Variants in PTPN4 observed in about 807,000 individuals in gnomAD.
PTPN4 encodes the protein tyrosine-protein phosphatase non-receptor type 4.
PTPN4 carries 49 observed loss-of-function variants against 135.5 expected under a neutral mutation model. That is an observed-to-expected ratio of 0.36 (90% CI 0.29 to 0.46). The LOEUF (loss-of-function observed/expected upper bound fraction) is 0.46. PTPN4 is among the 20% of genes least tolerant of loss of function. PTPN4 has a pLI of 1.00. For missense variants in PTPN4, 860 were observed against 1,101.0 expected (o/e 0.78, Z 3.10); for synonymous variants, 333 against 369.9 (o/e 0.90, Z 1.14).
intron 1 of PTPN4, among the ~76,000 whole-genome samples, chr2:119,779,920 A>AT (rs1477331363): frequency 2.0e-5 from 3 of 151,814 alleles, no homozygotes; most frequent in Non-Finnish European, 4.4e-5. Context: ...AATTTTTTGT[A>AT]TTTTTTGTAG....
intron 2 of PTPN4, among the ~76,000 whole-genome samples, chr2:119,817,832 T>C (rs1677011666): frequency 6.6e-6 from 1 of 152,208 alleles, no homozygotes; most frequent in Non-Finnish European, 1.5e-5. Flanking sequence ...GTGTCCTCTA[T>C]GATGTCTTTG....
chr2:119,881,856 A>G, intron 6 of PTPN4, 26 bp downstream of exon 6: 1 of 1,470,732 alleles, frequency 6.8e-7, no homozygotes, highest in African/African-American at 1.4e-5. Context: ...TTCTTAAAAA[A>G]TTTTTTGTAA....
intron 1 of PTPN4, among the ~76,000 whole-genome samples, chr2:119,805,067 G>C (rs1691442997): frequency 1.3e-5 from 2 of 152,104 alleles, no homozygotes. Flanking sequence ...TGTGTCTGTT[G>C]GCTGCATAAA....
In PTPN4 at chr2:119,934,881, T is replaced by C; in HGVS notation, c.1278T>C (p.Thr426=). ...ATTTGGTAGACCATATGGTTCATAC[T>C]TCCCCAAGCGAAGTGTTTGTAAATC... The part of the protein sequence containing the change: ...VGHLVDHMVH[T]SPSEVFVNQR... Residue 426 remains threonine, a synonymous_variant, in exon 15 of 27, where the codon ACT becomes ACC. Coordinates refer to ENST00000263708, the MANE Select transcript of PTPN4 (RefSeq NM_002830.4). 1 of 1,613,782 alleles carries C rather than the reference T, an allele frequency of 6.2e-7. No homozygotes were observed. Among genetic ancestry groups the C allele is most frequent in the Non-Finnish European group, 8.5e-7 (1 of 1,179,674 alleles).
chr2:119,774,085 G>C (rs1228909048), intron 1 of PTPN4, among the ~76,000 whole-genome samples: 1 of 152,178 alleles, frequency 6.6e-6, no homozygotes, highest in African/African-American at 2.4e-5. Context: ...TGAGTAGTTT[G>C]TCTCTCCAGT....
intron 7 of PTPN4, 89 bp from the exon 8 acceptor site, chr2:119,882,414 C>A: frequency 7.9e-7 from 1 of 1,260,546 alleles, no homozygotes; most frequent in Non-Finnish European, 1.1e-6. Flanking sequence ...ATTTTACATC[C>A]AGAAATAGAA....
chr2:119,909,236 A>G (rs1678533274), intron 10 of PTPN4, among the ~76,000 whole-genome samples: 1 of 152,194 alleles, frequency 6.6e-6, no homozygotes, highest in South Asian at 2.1e-4. Context: ...GATGAAGTTA[A>G]TACCTGGCTT....
chr2:119,893,455 A>G (rs542600804), intron 9 of PTPN4, among the ~76,000 whole-genome samples: 3 of 152,356 alleles, frequency 2.0e-5, no homozygotes, highest in East Asian at 3.9e-4. Flanking sequence ...AATCCTCACG[A>G]AAGAGGGGTA....
At chr2:119,841,681 G>T (rs1474227068) in intron 2 of PTPN4, among the ~76,000 whole-genome samples, 2 of 152,084 alleles carry the variant, frequency 1.3e-5, no homozygotes, top group Non-Finnish European at 2.9e-5. Context: ...CACAATTTAT[G>T]TTCTCTCTAC....
At position 119,809,844 on chromosome 2, in the gene PTPN4, G is replaced by A. The variant is rs751774314; in HGVS notation, c.-10G>A. 19 of 1,566,696 alleles carry A rather than the reference G, an allele frequency of 1.2e-5. No homozygotes were observed. The highest frequency in any genetic ancestry group is 2.1e-5 in the Admixed American group (1 of 48,058). On this transcript the variant is annotated 5_prime_UTR_variant, in exon 2 of 27. In the 5' UTR this introduces an upstream ATG that the reference lacks. Coordinates refer to ENST00000263708, the MANE Select transcript of PTPN4 (RefSeq NM_002830.4). ...TTTTTTTTTTTAACTTAGACTTTGTGTGGACAGTAATGACCTCACGTTTCC... is the reference window on the plus strand; with the variant it reads ...TTTTTTTTTTTAACTTAGACTTTGTATGGACAGTAATGACCTCACGTTTCC...
intron 2 of PTPN4, among the ~76,000 whole-genome samples, chr2:119,850,870 T>C (rs932979018): frequency 1.2e-4 from 19 of 152,366 alleles, no homozygotes; most frequent in African/African-American, 4.3e-4. Context: ...CAGCCTTGCA[T>C]CTGTGGTAAA....
chr2:119,835,883 C>T (rs1677284625), intron 2 of PTPN4, among the ~76,000 whole-genome samples: 1 of 151,910 alleles, frequency 6.6e-6, no homozygotes, highest in South Asian at 2.1e-4. Context: ...TCCTGGCTAA[C>T]ACAGTGAAAC....
chr2:119,803,077 G>T (rs1691404106), intron 1 of PTPN4, among the ~76,000 whole-genome samples: 1 of 152,002 alleles, frequency 6.6e-6, no homozygotes, highest in Non-Finnish European at 1.5e-5. Context: ...TGTGTTTTCT[G>T]TTTCTTTGTT....
intron 1 of PTPN4, among the ~76,000 whole-genome samples, chr2:119,794,650 G>A (rs1691220264): frequency 6.6e-6 from 1 of 152,196 alleles, no homozygotes; most frequent in Non-Finnish European, 1.5e-5. Context: ...CTGGCTTGGA[G>A]AGTTTCTAGG....
At chr2:119,865,279 T>C (rs1677816223) in intron 3 of PTPN4, among the ~76,000 whole-genome samples, 1 of 152,144 alleles carries the variant, frequency 6.6e-6, no homozygotes. Flanking sequence ...AGGAAAAAGA[T>C]GCTATGCTTC....
chr2:119,872,781 A>G (rs1306936887), intron 3 of PTPN4, among the ~76,000 whole-genome samples: 1 of 152,210 alleles, frequency 6.6e-6, no homozygotes, highest in Admixed American at 6.5e-5. Context: ...CCTTATAGAA[A>G]ATAGGCTTCA....
At chr2:119,935,092 A>G in intron 15 of PTPN4, 134 bp downstream of exon 15, 1 of 1,032,630 alleles carries the variant, frequency 9.7e-7, no homozygotes, top group Non-Finnish European at 1.4e-6. Flanking sequence ...TATGTTTGCA[A>G]TTATGCTCAT....
At chr2:119,768,765 G>A (rs904106257) in intron 1 of PTPN4, among the ~76,000 whole-genome samples, 2 of 152,144 alleles carry the variant, frequency 1.3e-5, no homozygotes, top group African/African-American at 4.8e-5. Context: ...TTGCTGTCAG[G>A]TCCATGTAGG....
chr2:119,956,901 A>C lies in PTPN4; in HGVS notation c.2038A>C (p.Ile680Leu). Residue 680 changes from isoleucine (I) to leucine (L), a missense_variant, in exon 21 of 27, where the codon ATT becomes CTT. By Grantham distance (5) the Ile-to-Leu change is conservative. This residue lies in a region of PTPN4 where 684 missense variants were observed against 807.0 expected (regional missense o/e 0.85). Transcript: ENST00000263708. Reference sequence around the variant, plus strand: ...GTCCTGTGCCAAATTACCTCAGAATATTTCCAAAAATAGATACAGAGATAT... The same window carrying C: ...GTCCTGTGCCAAATTACCTCAGAATCTTTCCAAAAATAGATACAGAGATAT... ...TMSCAKLPQN[I>L]SKNRYRDISP... 1 of 1,609,658 alleles carries C rather than the reference A, an allele frequency of 6.2e-7. No homozygotes were observed. Among genetic ancestry groups the C allele is most frequent in the Non-Finnish European group, 8.5e-7 (1 of 1,179,132 alleles).
Sources: gnomAD v4.1 joint callset for allele counts (sites outside exome capture counted in the v4.1 genomes callset) on GRCh38, gnomAD v4.1.1 for gene constraint, gnomAD v4.1.1 regional missense constraint, MANE v1.5 for transcripts, NCBI Gene and HGNC (gene_info 2026-07-23, HGNC 2026-07-21) for gene names.